The following KSR2 variants were observed in gnomAD, a reference collection of about 807,000 sequenced individuals.
KSR2 encodes kinase suppressor of ras 2.
Under a neutral mutation model 107.8 loss-of-function variants are expected in KSR2, and 25 were observed. The observed-to-expected ratio is 0.23, with a 90% CI of 0.17 to 0.32. KSR2 has a LOEUF of 0.32. Ranked by LOEUF, KSR2 falls within the 10% of genes least tolerant of loss-of-function variation. The probability of loss-of-function intolerance (pLI) is 1.00; values close to 1 mark genes in which losing one functional copy is unlikely to be tolerated. For missense variants in KSR2, 887 were observed against 1,268.9 expected (o/e 0.70, Z 4.57); for synonymous variants, 480 against 507.0 (o/e 0.95, Z 0.71).
intron 7 of KSR2, among the ~76,000 whole-genome samples, chr12:117,566,468 T>A (rs924217184): frequency 2.6e-5 from 4 of 152,228 alleles, no homozygotes; most frequent in Admixed American, 2.6e-4. Context: ...CTCCCACTTA[T>A]AAGTGAGAAC....
At chr12:117,582,072 A>G (rs1012751015) in intron 6 of KSR2, among the ~76,000 whole-genome samples, 8 of 152,200 alleles carry the variant, frequency 5.3e-5, no homozygotes, top group Admixed American at 2.6e-4. Context: ...TTTAACTGCT[A>G]TGTGCTAATT....
intron 5 of KSR2, among the ~76,000 whole-genome samples, chr12:117,667,241 CA>C (rs1389823410): frequency 1.3e-5 from 2 of 152,188 alleles, no homozygotes; most frequent in Admixed American, 1.3e-4. Flanking sequence ...AACACCCAGT[CA>C]ACCTCCCCAG....
chr12:117,553,068 C>CATTT (rs1877419679), intron 9 of KSR2, among the ~76,000 whole-genome samples: 1 of 152,194 alleles, frequency 6.6e-6, no homozygotes, highest in Non-Finnish European at 1.5e-5. Context: ...TGGAACAGCC[C>CATTT]CATTTTACCT....
At chr12:117,503,613 A>C (rs1873509485) in intron 14 of KSR2, among the ~76,000 whole-genome samples, 1 of 152,224 alleles carries the variant, frequency 6.6e-6, no homozygotes, top group Non-Finnish European at 1.5e-5. Context: ...AGCCAACTTT[A>C]CATGAGTGAG....
intron 1 of KSR2, among the ~76,000 whole-genome samples, chr12:117,911,116 C>A (rs868634067): frequency 1.6e-4 from 25 of 151,976 alleles, no homozygotes; most frequent in African/African-American, 6.0e-4. Context: ...TTTTACTGTT[C>A]TGCAAATATT....
At chr12:117,724,762 G>A (rs1296046723) in intron 4 of KSR2, among the ~76,000 whole-genome samples, 2 of 151,904 alleles carry the variant, frequency 1.3e-5, no homozygotes, top group Admixed American at 6.6e-5. Flanking sequence ...CCCTTGTAGC[G>A]AGGGTTGTTT....
chr12:117,479,851 T>C (rs915408028), intron 16 of KSR2, among the ~76,000 whole-genome samples: 12 of 152,224 alleles, frequency 7.9e-5, no homozygotes, highest in Admixed American at 5.9e-4. Context: ...AGGCTCTTAC[T>C]TACTAGCTAT....
At chr12:117,896,512 T>C (rs892241843) in intron 1 of KSR2, among the ~76,000 whole-genome samples, 5 of 149,674 alleles carry the variant, frequency 3.3e-5, no homozygotes. Context: ...CAGGCTAGAA[T>C]GCAATGTCGC....
At chr12:117,561,722 C>T (rs1311681087) in intron 7 of KSR2, among the ~76,000 whole-genome samples, 9 of 152,224 alleles carry the variant, frequency 5.9e-5, no homozygotes, top group Non-Finnish European at 1.0e-4. Context: ...GGATGCTTGA[C>T]TTCACAAGGA....
intron 3 of KSR2, among the ~76,000 whole-genome samples, chr12:117,773,550 T>C (rs1018802673): frequency 3.3e-5 from 5 of 152,196 alleles, no homozygotes; most frequent in African/African-American, 1.2e-4. Context: ...GTAGATTCTT[T>C]AGCTCTTCAG....
intron 5 of KSR2, among the ~76,000 whole-genome samples, chr12:117,656,981 G>GAGATATATATATAATAGTATAT: frequency 1.0e-5 from 1 of 98,204 alleles, no homozygotes; most frequent in Admixed American, 1.1e-4. Flanking sequence ...TATATAATAG[G>GAGATATATATATAATAGTATAT]ATATATATAT....
chr12:117,739,227 C>T (rs1888072072), intron 4 of KSR2, among the ~76,000 whole-genome samples: 1 of 151,822 alleles, frequency 6.6e-6, no homozygotes, highest in African/African-American at 2.4e-5. Context: ...TGGTAGCGGG[C>T]GCCTGTAGTC....
intron 5 of KSR2, among the ~76,000 whole-genome samples, chr12:117,640,954 T>C (rs893928805): frequency 6.6e-6 from 1 of 152,134 alleles, no homozygotes; most frequent in African/African-American, 2.4e-5. Context: ...AGCACGCCAC[T>C]TGCTGAGTCA....
chr12:117,953,452 T>C (rs1474089932), intron 1 of KSR2, among the ~76,000 whole-genome samples: 3 of 152,190 alleles, frequency 2.0e-5, no homozygotes, highest in Non-Finnish European at 4.4e-5. Context: ...GATAGATGAA[T>C]ACACAAATGC....
intron 4 of KSR2, among the ~76,000 whole-genome samples, chr12:117,744,818 C>A (rs968115294): frequency 1.3e-5 from 2 of 152,160 alleles, no homozygotes; most frequent in Non-Finnish European, 2.9e-5. Context: ...CTATCAGATC[C>A]TTTCTCCTAT....
chr12:117,909,090 C>T (rs543954988), intron 1 of KSR2, among the ~76,000 whole-genome samples: 129 of 152,254 alleles, frequency 8.5e-4, no homozygotes, highest in African/African-American at 2.9e-3. Context: ...TGTCCTTATA[C>T]CAGTGGTCTT....
At chr12:117,913,872 C>T (rs1219708312) in intron 1 of KSR2, among the ~76,000 whole-genome samples, 2 of 152,172 alleles carry the variant, frequency 1.3e-5, no homozygotes, top group Non-Finnish European at 2.9e-5. Context: ...TCGGGACCCG[C>T]CGGATGACTC....
intron 7 of KSR2, among the ~76,000 whole-genome samples, chr12:117,570,224 A>C (rs1361434665): frequency 6.6e-6 from 1 of 152,070 alleles, no homozygotes; most frequent in Non-Finnish European, 1.5e-5. Context: ...GGATGGTCTC[A>C]ATCTCCTGAC....
chr12:117,463,760 A>G lies in KSR2; in HGVS notation c.*3439T>C, dbSNP rs1228018760. 2.6e-5 allele frequency: 4 copies of G among 152,220 alleles called. No homozygotes were observed. Among genetic ancestry groups the G allele is most frequent in the Non-Finnish European group, 4.4e-5 (3 of 68,044 alleles). 9.4% of individuals were successfully genotyped at this position (152,220 alleles called of 1,614,324 possible). On this transcript the variant is annotated 3_prime_UTR_variant, in exon 20 of 20. Coordinates refer to ENST00000339824, the MANE Select transcript of KSR2 (RefSeq NM_173598.6). ...CTACTTCCTCCGTGTACCTTTGATG[A>G]TCAGCTGTAGGTGGGGATGGGAATG...
Sources: gnomAD v4.1 joint callset for allele counts (sites outside exome capture counted in the v4.1 genomes callset) on GRCh38, gnomAD v4.1.1 for gene constraint, MANE v1.5 for transcripts, NCBI Gene and HGNC (gene_info 2026-07-23, HGNC 2026-07-21) for gene names.